The following SH3GL3 variants were observed in gnomAD, a reference collection of about 807,000 sequenced individuals.
The protein encoded by SH3GL3 is endophilin-A3.
SH3GL3 carries 33 observed loss-of-function variants against 47.7 expected under a neutral mutation model. The ratio of observed to expected loss-of-function variants is 0.69; its 90% CI spans 0.52 to 0.92. The LOEUF is 0.92. SH3GL3 is among the 40% of genes least tolerant of loss of function. SH3GL3 has a pLI of 0.00. For synonymous variants in SH3GL3, 155 were observed against 148.8 expected (o/e 1.04, Z -0.30); for missense variants, 363 against 417.8 (o/e 0.87, Z 1.14).
chr15:83,539,633 G>A (rs778962294), intron 1 of SH3GL3, among the ~76,000 whole-genome samples: 3 of 152,000 alleles, frequency 2.0e-5, no homozygotes, highest in Non-Finnish European at 4.4e-5. Context: ...TTTAATATTT[G>A]AATGTGATTC....
At chr15:83,592,824 T>C (rs1272093681) in intron 8 of SH3GL3, among the ~76,000 whole-genome samples, 1 of 152,192 alleles carries the variant, frequency 6.6e-6, no homozygotes, top group Non-Finnish European at 1.5e-5. Flanking sequence ...GCCATAGATG[T>C]AGGCTGGGAT....
At chr15:83,592,795 C>T (rs1206585459) in intron 8 of SH3GL3, among the ~76,000 whole-genome samples, 1 of 152,164 alleles carries the variant, frequency 6.6e-6, no homozygotes, top group East Asian at 1.9e-4. Flanking sequence ...TTTTAATCTC[C>T]ATCTTCTGAC....
intron 1 of SH3GL3, among the ~76,000 whole-genome samples, chr15:83,510,911 A>T (rs551986078): frequency 3.4e-5 from 5 of 148,254 alleles, no homozygotes; most frequent in Admixed American, 6.7e-5. Flanking sequence ...GGCCACTCAG[A>T]TGTTCTCACT....
intron 1 of SH3GL3, among the ~76,000 whole-genome samples, chr15:83,484,287 T>A (rs2151563771): frequency 6.6e-6 from 1 of 152,346 alleles, no homozygotes. Flanking sequence ...TTTGATTGTC[T>A]TTGCCTATTA....
At chr15:83,491,581 G>A (rs1323762867) in intron 1 of SH3GL3, among the ~76,000 whole-genome samples, 1 of 152,186 alleles carries the variant, frequency 6.6e-6, no homozygotes. Context: ...AATTCACGTG[G>A]TCTTGCACTG....
chr15:83,590,941 G>A (rs953739038), intron 8 of SH3GL3, among the ~76,000 whole-genome samples: 6 of 152,138 alleles, frequency 3.9e-5, no homozygotes, highest in African/African-American at 1.4e-4. Context: ...ATGTATTCAT[G>A]TTTAGTTTTA....
At chr15:83,612,810 G>A (rs1321564065) in intron 8 of SH3GL3, among the ~76,000 whole-genome samples, 1 of 152,126 alleles carries the variant, frequency 6.6e-6, no homozygotes, top group Non-Finnish European at 1.5e-5. Context: ...AAAATGCTAG[G>A]CTCTGAGTTC....
At chr15:83,537,871 G>A (rs967529599) in intron 1 of SH3GL3, among the ~76,000 whole-genome samples, 1 of 151,976 alleles carries the variant, frequency 6.6e-6, no homozygotes, top group African/African-American at 2.4e-5. Context: ...TAGATGTTAT[G>A]GATATGCCTC....
chr15:83,547,879 T>C (rs912636916), intron 1 of SH3GL3, among the ~76,000 whole-genome samples: 9 of 151,970 alleles, frequency 5.9e-5, no homozygotes, highest in African/African-American at 2.2e-4. Flanking sequence ...CATTTAAATC[T>C]GCTATGTTAT....
At chr15:83,466,251 G>A (rs1242668034) in intron 1 of SH3GL3, among the ~76,000 whole-genome samples, 1 of 152,126 alleles carries the variant, frequency 6.6e-6, no homozygotes, top group African/African-American at 2.4e-5. Flanking sequence ...TGGTATGGAT[G>A]TATCACAGTT....
intron 1 of SH3GL3, among the ~76,000 whole-genome samples, chr15:83,528,716 T>C (rs2043532165): frequency 6.6e-6 from 1 of 152,298 alleles, no homozygotes; most frequent in South Asian, 2.1e-4. Context: ...GTTTTTCTGG[T>C]ATCTTTGTAT....
In SH3GL3 at chr15:83,586,906, T is replaced by G. The variant is rs551780816; in HGVS notation, c.625-77T>G. On this transcript the variant is annotated intron_variant, in intron 6 of 8. Transcript: ENST00000427482. ...TGGTCTTCCCTGCAAAGCTAGGTCTTTGCTGCTGGTCTCCTCTCTCTCTGG... is the reference window on the plus strand; with the variant it reads ...TGGTCTTCCCTGCAAAGCTAGGTCTGTGCTGCTGGTCTCCTCTCTCTCTGG... 22 of 699,740 alleles carry G rather than the reference T, an allele frequency of 3.1e-5. No homozygotes were observed. In the African/African-American group the frequency reaches 3.4e-4, roughly 11 times the overall value. The allele number at this position is 699,740 out of a possible 1,614,324, so 43.3% of individuals were successfully genotyped here. A position where few individuals can be genotyped will look rare whatever the true frequency, so the allele number is the denominator to read the frequency against.
intron 4 of SH3GL3, among the ~76,000 whole-genome samples, chr15:83,569,638 G>T (rs928818734): frequency 2.0e-5 from 3 of 151,922 alleles, no homozygotes; most frequent in Non-Finnish European, 2.9e-5. Flanking sequence ...AGTGAGTGAG[G>T]GTATATTTCT....
chr15:83,520,106 AGGTGACTTGTACACCTGGAGTG>A (rs1234750918), intron 1 of SH3GL3, among the ~76,000 whole-genome samples: 2 of 152,196 alleles, frequency 1.3e-5, no homozygotes, highest in African/African-American at 2.4e-5. Context: ...GTAGAGGGTC[AGGTGACTTGTACACCTGGAGTG>A]AACTGTGTTA....
chr15:83,615,584 T>C (rs1376120062), intron 8 of SH3GL3, among the ~76,000 whole-genome samples: 1 of 152,190 alleles, frequency 6.6e-6, no homozygotes, highest in Non-Finnish European at 1.5e-5. Flanking sequence ...AGTGCTGGGA[T>C]TACAGGTGTG....
chr15:83,574,387 T>G (rs1388655616), intron 5 of SH3GL3, among the ~76,000 whole-genome samples: 1 of 152,140 alleles, frequency 6.6e-6, no homozygotes. Flanking sequence ...CATGTCCCTG[T>G]TGCTCTCAAG....
chr15:83,536,406 T>TTTTCG (rs771825013), intron 1 of SH3GL3, among the ~76,000 whole-genome samples: 5 of 130,500 alleles, frequency 3.8e-5, no homozygotes, highest in African/African-American at 1.6e-4. Flanking sequence ...TTTTCTTTTC[T>TTTTCG]TTTTTTTTTT....
intron 1 of SH3GL3, among the ~76,000 whole-genome samples, chr15:83,525,214 T>C (rs1303490163): frequency 2.6e-5 from 4 of 152,052 alleles, no homozygotes; most frequent in Non-Finnish European, 5.9e-5. Flanking sequence ...TGATAAGATA[T>C]CTCTATTGTG....
chr15:83,540,570 A>G (rs2044108759), intron 1 of SH3GL3, among the ~76,000 whole-genome samples: 1 of 152,138 alleles, frequency 6.6e-6, no homozygotes, highest in African/African-American at 2.4e-5. Context: ...ATTTTGTAGG[A>G]TATTAGTATA....
Sources: allele counts gnomAD v4.1 joint callset (sites outside exome capture counted in the v4.1 genomes callset), GRCh38; gene constraint gnomAD v4.1.1; transcripts MANE v1.5; gene names NCBI Gene and HGNC (gene_info 2026-07-23, HGNC 2026-07-21).